Variants in ZZEF1 observed in about 807,000 individuals in gnomAD.
ZZEF1 encodes zinc finger ZZ-type and EF-hand domain-containing protein 1.
ZZEF1 carries 157 observed loss-of-function variants against 342.8 expected under a neutral mutation model. The ratio of observed to expected loss-of-function variants is 0.46; its 90% CI spans 0.40 to 0.52. The LOEUF is 0.52. ZZEF1 is among the 20% of genes least tolerant of loss of function. The probability of loss-of-function intolerance (pLI) is 0.00; values close to 1 mark genes in which losing one functional copy is unlikely to be tolerated. For synonymous variants in ZZEF1, 1,505 were observed against 1,429.1 expected (o/e 1.05, Z -1.20); for missense variants, 3,480 against 3,725.6 (o/e 0.93, Z 1.72).
At chr17:4,055,107 C>A (rs911970383) in intron 33 of ZZEF1, among the ~76,000 whole-genome samples, 2 of 152,134 alleles carry the variant, frequency 1.3e-5, no homozygotes, top group African/African-American at 4.8e-5. Context: ...GTCTAATGAG[C>A]AAACAAATTG....
intron 5 of ZZEF1, among the ~76,000 whole-genome samples, chr17:4,111,875 A>T (rs2058308384): frequency 6.9e-6 from 1 of 145,596 alleles, no homozygotes; most frequent in Non-Finnish European, 1.5e-5. Context: ...TTCTACAAAA[A>T]AGTGTAAAGA....
intron 12 of ZZEF1, among the ~76,000 whole-genome samples, chr17:4,090,221 ACACT>A: frequency 8.9e-6 from 1 of 111,836 alleles, no homozygotes; most frequent in African/African-American, 3.5e-5. Context: ...CCTCCTCCAC[ACACT>A]GCAGCCTGGC....
Position 4,141,012 on chromosome 17 carries a change from G to A in ZZEF1, c.354+1530C>T, listed in dbSNP as rs372355014. On this transcript the variant is annotated intron_variant, in intron 1 of 54. Transcript: ENST00000381638. Reference sequence around the variant, plus strand: ...CAACCTCCGCCTCCTGGGTTCAAGCGGTTGTCCCACCTCAGCCTCCCAAGT... The same window carrying A: ...CAACCTCCGCCTCCTGGGTTCAAGCAGTTGTCCCACCTCAGCCTCCCAAGT... 1.9e-4 allele frequency among the ~76,000 whole-genome samples: 29 copies of A among 151,932 alleles called. No individual in the cohort carries two copies. In the East Asian group the frequency reaches 4.1e-3, roughly 21 times the overall value.
Position 4,016,243 on chromosome 17 carries a change from TG to T in ZZEF1, c.8145+79del. 6.6e-7 allele frequency: 1 copy of T among 1,505,262 alleles called. No homozygotes were observed. Among genetic ancestry groups the T allele is most frequent in the Non-Finnish European group, 8.9e-7 (1 of 1,119,908 alleles). The allele number at this position is 1,505,262 out of a possible 1,614,324, so 93.2% of individuals were successfully genotyped here. A position where few individuals can be genotyped will look rare whatever the true frequency, so the allele number is the denominator to read the frequency against. ...GAGAGAGCCACAGAGGGGCTGAGCA[TG>T]GAGGGGCTGAGCACGGAGGGGCTGA... On this transcript the variant is annotated intron_variant, in intron 49 of 54. Coordinates refer to ENST00000381638, the MANE Select transcript of ZZEF1 (RefSeq NM_015113.4). The surrounding 1 kb of genome is among the most constrained non-coding windows in gnomAD (Gnocchi z 4.4).
At position 4,025,209 on chromosome 17, in the gene ZZEF1, A is replaced by G. The variant is rs553593614; in HGVS notation, c.6893-91T>C. 5.6e-6 allele frequency: 7 copies of G among 1,240,598 alleles called. No homozygotes were observed. The Admixed American group carries it at 7.8e-5, about 14-fold the overall frequency. 76.8% of individuals were successfully genotyped at this position (1,240,598 alleles called of 1,614,324 possible). ...TTCTTCTATAGTAACATGCCTTACT[A>G]AAGTAGGGACTGCAGAAACATAAAT... On this transcript the variant is annotated intron_variant, in intron 42 of 54. Coordinates refer to ENST00000381638, the MANE Select transcript of ZZEF1 (RefSeq NM_015113.4).
chr17:4,089,673 C>T (rs111990247), intron 12 of ZZEF1, among the ~76,000 whole-genome samples: 2 of 123,250 alleles, frequency 1.6e-5, no homozygotes, highest in Non-Finnish European at 3.4e-5. Flanking sequence ...CAGCCTGAGG[C>T]GCCCTCCTCC....
intron 53 of ZZEF1, 200 bp downstream of exon 53, chr17:4,009,404 A>G (rs773406708): frequency 8.7e-6 from 6 of 686,712 alleles, no homozygotes; most frequent in African/African-American, 1.8e-5. Context: ...TGACAAAATA[A>G]GCAATCTCAG....
At chr17:4,051,823 T>A (rs2057053402) in intron 35 of ZZEF1, 148 bp downstream of exon 35, 9 of 721,774 alleles carry the variant, frequency 1.2e-5, no homozygotes, top group Non-Finnish European at 1.7e-5. Context: ...AATGGGTACA[T>A]GAAGGTTCAC....
intron 52 of ZZEF1, among the ~76,000 whole-genome samples, chr17:4,010,915 G>A (rs921826039): frequency 6.6e-6 from 1 of 151,880 alleles, no homozygotes; most frequent in Non-Finnish European, 1.5e-5. Context: ...AATGCTCACT[G>A]CTTTTATAAA....
At chr17:4,096,107 T>A in intron 10 of ZZEF1, 128 bp from the exon 11 acceptor site, 1 of 1,037,722 alleles carries the variant, frequency 9.6e-7, no homozygotes, top group Non-Finnish European at 1.3e-6. Flanking sequence ...TCAAACATAT[T>A]AAGCCCTCAA....
chr17:4,139,648 G>C (rs771680343), intron 1 of ZZEF1, among the ~76,000 whole-genome samples: 2 of 152,176 alleles, frequency 1.3e-5, no homozygotes, highest in Non-Finnish European at 2.9e-5. Context: ...TCTTTGGCTA[G>C]TCCTAACTTA....
rs1033602300 is a variant in ZZEF1 at position 4,076,520 on chromosome 17, G to A, written c.3234+117C>T. On this transcript the variant is annotated intron_variant, in intron 21 of 54. Transcript: ENST00000381638. ...GGCAAGCCCACTGATAAAATCAAGG[G>A]AGCCTTCTAGAGGCTGCTCAGCTGT... 10 of 1,316,450 alleles carry A rather than the reference G, an allele frequency of 7.6e-6. No individual in the cohort carries two copies. The African/African-American group carries it at 1.5e-4, about 19-fold the overall frequency. The allele number at this position is 1,316,450 out of a possible 1,614,324, so 81.5% of individuals were successfully genotyped here.
At chr17:4,047,271 T>C (rs1417869212) in intron 37 of ZZEF1, among the ~76,000 whole-genome samples, 1 of 152,108 alleles carries the variant, frequency 6.6e-6, no homozygotes, top group Admixed American at 6.5e-5. Context: ...GTTCAAAAAA[T>C]AATGGCAACA....
chr17:4,115,149 G>A (rs1264536109), intron 3 of ZZEF1, among the ~76,000 whole-genome samples: 1 of 151,996 alleles, frequency 6.6e-6, no homozygotes, highest in Non-Finnish European at 1.5e-5. Flanking sequence ...ATTCTCCCAA[G>A]TAGCCGGGAC....
intron 8 of ZZEF1, among the ~76,000 whole-genome samples, chr17:4,103,116 T>C (rs1276471275): frequency 3.3e-5 from 5 of 152,178 alleles, no homozygotes; most frequent in Admixed American, 6.5e-5. Flanking sequence ...TATCCAGCCA[T>C]GGCTGCTCTG....
intron 14 of ZZEF1, among the ~76,000 whole-genome samples, chr17:4,087,070 C>CG (rs2057845656): frequency 3.3e-5 from 5 of 152,212 alleles, no homozygotes; most frequent in Admixed American, 2.6e-4. Flanking sequence ...TTAGTAGAGA[C>CG]GGGGTTTCAC....
chr17:4,112,501 A>C (rs2058330176), intron 5 of ZZEF1, 108 bp downstream of exon 5: 1 of 1,083,184 alleles, frequency 9.2e-7, no homozygotes. Flanking sequence ...ACTTTTGTGT[A>C]CGTCCTAAGA....
intron 26 of ZZEF1, among the ~76,000 whole-genome samples, chr17:4,070,445 G>A (rs192540968): frequency 6.6e-6 from 1 of 152,082 alleles, no homozygotes; most frequent in Non-Finnish European, 1.5e-5. Context: ...GAGAATTCTG[G>A]ATAAAGATAA....
intron 11 of ZZEF1, among the ~76,000 whole-genome samples, 163 bp from the exon 12 acceptor site, chr17:4,090,993 T>C (rs956765382): frequency 6.6e-5 from 10 of 152,270 alleles, no homozygotes; most frequent in Non-Finnish European, 1.5e-4. Context: ...CATGAGACAG[T>C]TGGTAGTATT....
Sources: allele counts gnomAD v4.1 joint callset (sites outside exome capture counted in the v4.1 genomes callset), GRCh38; gene constraint gnomAD v4.1.1; non-coding constraint Gnocchi (gnomAD v3.1); transcripts MANE v1.5; gene names NCBI Gene and HGNC (gene_info 2026-07-23, HGNC 2026-07-21).